The following AFF3 variants were observed in gnomAD, a reference collection of about 807,000 sequenced individuals.
The protein encoded by AFF3 is ALF transcription elongation factor 3.
A neutral mutation model predicts 129.7 loss-of-function variants in AFF3; 32 were observed. The observed-to-expected ratio is 0.25, with a 90% confidence interval of 0.19 to 0.33. AFF3 has a LOEUF of 0.33. Ranked by LOEUF, AFF3 falls within the 10% of genes least tolerant of loss-of-function variation. The pLI, the probability that AFF3 is intolerant of heterozygous loss-of-function variation, is 1.00. For synonymous variants in AFF3, 644 were observed against 635.4 expected (o/e 1.01, Z -0.20); for missense variants, 1,373 against 1,592.0 (o/e 0.86, Z 2.34).
intron 13 of AFF3, among the ~76,000 whole-genome samples, chr2:99,624,570 G>A (rs1326494806): frequency 2.0e-5 from 3 of 152,072 alleles, no homozygotes; most frequent in Non-Finnish European, 2.9e-5. Flanking sequence ...TAAGAGCCTC[G>A]CAGTCCAATG....
intron 8 of AFF3, among the ~76,000 whole-genome samples, chr2:99,812,891 T>C (rs571577165): frequency 1.3e-5 from 2 of 152,378 alleles, no homozygotes; most frequent in African/African-American, 4.8e-5. Context: ...CGTGTTATTA[T>C]TAATGCATTC....
chr2:100,136,381 G>A (rs1022477295), intron 1 of AFF3, among the ~76,000 whole-genome samples: 1 of 152,222 alleles, frequency 6.6e-6, no homozygotes, highest in Non-Finnish European at 1.5e-5. Context: ...GGTAGGAAGA[G>A]AGGAAGAGAA....
At chr2:99,781,947 G>A (rs934543745) in intron 8 of AFF3, among the ~76,000 whole-genome samples, 1 of 152,120 alleles carries the variant, frequency 6.6e-6, no homozygotes, top group African/African-American at 2.4e-5. Context: ...ATTATATGAG[G>A]TGAGGGAAAT....
chr2:99,574,494 C>G (rs1335008893), intron 18 of AFF3, among the ~76,000 whole-genome samples: 2 of 152,038 alleles, frequency 1.3e-5, no homozygotes, highest in Non-Finnish European at 2.9e-5. Context: ...GCTTGGAAAC[C>G]CATTAATTTA....
At chr2:100,095,790 C>T (rs1267283291) in intron 4 of AFF3, among the ~76,000 whole-genome samples, 1 of 152,218 alleles carries the variant, frequency 6.6e-6, no homozygotes, top group Non-Finnish European at 1.5e-5. Context: ...TTGCATTATC[C>T]ATCCTATATG....
chr2:100,127,527 C>T (rs1299103465), intron 2 of AFF3, among the ~76,000 whole-genome samples: 3 of 152,174 alleles, frequency 2.0e-5, no homozygotes, highest in African/African-American at 4.8e-5. Context: ...CCCTGACCTC[C>T]GGTCCTGTTT....
At chr2:99,693,104 A>G (rs17716546) in intron 11 of AFF3, among the ~76,000 whole-genome samples, 7,581 of 152,354 alleles carry the variant, frequency 0.05, 314 homozygotes, top group Non-Finnish European at 0.074. Flanking sequence ...AAATGGACAG[A>G]TTCCCAACAA....
Position 99,598,279 on chromosome 2 carries a change from C to T in AFF3, c.1371+3156G>A, listed in dbSNP as rs1408225076. Among the ~76,000 whole-genome samples the T allele has an allele frequency of 4.6e-5, 7 of 151,952 alleles. No homozygotes were observed. In the East Asian group the frequency reaches 5.8e-4, roughly 13 times the overall value. ...GTAATATATATTGTACAACAAAGGC[C>T]GAGTGAGTTCCGTGTGTGGGGTCAA... is the stretch of plus-strand genomic sequence containing the variant. On this transcript the variant is annotated intron_variant, in intron 14 of 24. Coordinates refer to ENST00000672756, the MANE Select transcript of AFF3 (RefSeq NM_001386135.1).
intron 7 of AFF3, among the ~76,000 whole-genome samples, chr2:99,908,256 G>C (rs898093203): frequency 6.6e-6 from 1 of 152,016 alleles, no homozygotes; most frequent in Non-Finnish European, 1.5e-5. Context: ...AATGGTGCTG[G>C]GAAAACTGGC....
chr2:99,613,955 C>T (rs114478714), intron 13 of AFF3, among the ~76,000 whole-genome samples: 1,666 of 152,302 alleles, frequency 0.011, 29 homozygotes, highest in African/African-American at 0.037. Flanking sequence ...AAACATTACA[C>T]TTAGGTCCAA....
intron 8 of AFF3, among the ~76,000 whole-genome samples, chr2:99,835,003 C>T (rs537096415): frequency 2.0e-5 from 3 of 152,280 alleles, no homozygotes; most frequent in Admixed American, 2.0e-4. Context: ...ACTTGAATGT[C>T]CCAAAGGCAC....
At chr2:99,608,397 G>A (rs754619471) in intron 13 of AFF3, among the ~76,000 whole-genome samples, 4 of 152,076 alleles carry the variant, frequency 2.6e-5, no homozygotes, top group Non-Finnish European at 4.4e-5. Context: ...CCCTTACCAC[G>A]TTAAGGATTG....
intron 8 of AFF3, among the ~76,000 whole-genome samples, chr2:99,771,882 C>G (rs1400824983): frequency 6.6e-6 from 1 of 152,132 alleles, no homozygotes; most frequent in Non-Finnish European, 1.5e-5. Flanking sequence ...CTGTGTCCTT[C>G]TATGTTCCTT....
intron 7 of AFF3, among the ~76,000 whole-genome samples, chr2:99,949,175 C>T (rs1675914768): frequency 6.6e-6 from 1 of 152,242 alleles, no homozygotes; most frequent in South Asian, 2.1e-4. Context: ...TATTACCAAC[C>T]CAATGGGGCT....
chr2:100,037,115 A>G (rs1176385008), intron 4 of AFF3, among the ~76,000 whole-genome samples: 1 of 152,006 alleles, frequency 6.6e-6, no homozygotes, highest in South Asian at 2.1e-4. Flanking sequence ...AATGTGTGCA[A>G]TGATTTCTGC....
At chr2:99,694,000 C>T (rs187335252) in intron 11 of AFF3, among the ~76,000 whole-genome samples, 8 of 152,030 alleles carry the variant, frequency 5.3e-5, no homozygotes, top group South Asian at 2.1e-4. Flanking sequence ...TCACTGCAAC[C>T]GCTGCCTCCC....
chr2:99,968,881 TC>T (rs1678057682), intron 7 of AFF3, among the ~76,000 whole-genome samples: 1 of 152,200 alleles, frequency 6.6e-6, no homozygotes, highest in Non-Finnish European at 1.5e-5. Context: ...TGAAGAGACA[TC>T]TTCTTCATCA....
At chr2:99,633,282 G>C (rs561309702) in intron 13 of AFF3, among the ~76,000 whole-genome samples, 8 of 152,242 alleles carry the variant, frequency 5.3e-5, no homozygotes, top group African/African-American at 1.7e-4. Flanking sequence ...GCTGTCCATG[G>C]AAGGCAGGAA....
At chr2:99,986,342 C>A (rs975084023) in intron 7 of AFF3, among the ~76,000 whole-genome samples, 10 of 151,788 alleles carry the variant, frequency 6.6e-5, no homozygotes, top group African/African-American at 2.2e-4. Flanking sequence ...GCGGCAAAAT[C>A]CATCCTGCGT....
Sources: allele counts gnomAD v4.1 joint callset (sites outside exome capture counted in the v4.1 genomes callset), GRCh38; gene constraint gnomAD v4.1.1; transcripts MANE v1.5; gene names NCBI Gene and HGNC (gene_info 2026-07-23, HGNC 2026-07-21).